Variants in EIF4E3 observed in about 807,000 individuals in gnomAD.
EIF4E3 encodes the protein eukaryotic translation initiation factor 4E family member 3.
Under a neutral mutation model 31.7 loss-of-function variants are expected in EIF4E3, and 26 were observed. The observed-to-expected ratio is 0.82, with a 90% CI of 0.60 to 1.14. The LOEUF is 1.14. Among genes scored for constraint, EIF4E3 ranks in the 50% most tolerant of loss-of-function variants. The probability of loss-of-function intolerance (pLI) is 0.00; values close to 1 mark genes in which losing one functional copy is unlikely to be tolerated. For synonymous variants in EIF4E3, 128 were observed against 107.7 expected, an observed-to-expected ratio of 1.19 and a Z score of -1.17; for missense variants, 304 against 270.9, an observed-to-expected ratio of 1.12 and a Z score of -0.86.
At chr3:71,666,598 G>A in the EIF4E3 span, among the ~76,000 whole-genome samples, 1 of 152,112 alleles carries the variant, frequency 6.6e-6, no homozygotes, top group Non-Finnish European at 1.5e-5. Flanking sequence ...ATTTTATGAG[G>A]CCAGCATCAT....
intron 1 of EIF4E3, among the ~76,000 whole-genome samples, chr3:71,718,258 T>C (rs962685118): frequency 5.3e-5 from 8 of 152,242 alleles, no homozygotes; most frequent in African/African-American, 1.9e-4. Flanking sequence ...CACTGTTAGA[T>C]AGACCTGTGG....
At chr3:71,754,168 C>G (rs760739874), upstream of EIF4E3, 1 of 1,453,056 alleles carries the variant, frequency 6.9e-7, no homozygotes, top group South Asian at 1.2e-5. The surrounding 1 kb of genome is among the most constrained non-coding windows in gnomAD (Gnocchi z 5.8). Flanking sequence ...GTGCTGTTCG[C>G]GCTGCTGATC....
intron 1 of EIF4E3, among the ~76,000 whole-genome samples, chr3:71,731,842 C>G (rs1010252212): frequency 6.6e-6 from 1 of 152,156 alleles, no homozygotes; most frequent in African/African-American, 2.4e-5. Context: ...TTGAAATTGT[C>G]CACACCTTGA....
In EIF4E3 at chr3:71,684,748, C is replaced by A. The variant is rs1202114713; in HGVS notation, c.629-20G>T. On this transcript the variant is annotated intron_variant, in intron 6 of 6. Coordinates refer to ENST00000425534, the MANE Select transcript of EIF4E3 (RefSeq NM_001134651.2). ...CATGGGCTAAAGGACAGAAAAAAAACAAAAAAGAAAAAAAGGAAAGAAAAC... is the reference window on the plus strand; with the variant it reads ...CATGGGCTAAAGGACAGAAAAAAAAAAAAAAAGAAAAAAAGGAAAGAAAAC... 3.1e-6 allele frequency: 5 copies of A among 1,608,564 alleles called. No individual in the cohort carries two copies. The highest frequency in any genetic ancestry group is 1.7e-5 in the Admixed American group (1 of 58,864).
intron 1 of EIF4E3, among the ~76,000 whole-genome samples, chr3:71,751,287 G>A (rs1399249007): frequency 6.6e-6 from 1 of 152,166 alleles, no homozygotes; most frequent in East Asian, 1.9e-4. Context: ...TAAGTGTAAA[G>A]TAAGTGTAAG....
intron 2 of EIF4E3, among the ~76,000 whole-genome samples, chr3:71,708,225 C>G (rs912875959): frequency 6.6e-6 from 1 of 152,068 alleles, no homozygotes; most frequent in Non-Finnish European, 1.5e-5. Flanking sequence ...GGACCAGACA[C>G]AATAATATAG....
At chr3:71,711,958 G>T (rs1012474928) in intron 1 of EIF4E3, among the ~76,000 whole-genome samples, 1 of 152,106 alleles carries the variant, frequency 6.6e-6, no homozygotes, top group Non-Finnish European at 1.5e-5. Flanking sequence ...ACTCCAGCCC[G>T]GGTGACAGAG....
At position 71,679,822 on chromosome 3, in the gene EIF4E3, G is replaced by A. The variant is rs969652265; in HGVS notation, c.*4860C>T. On this transcript the variant is annotated 3_prime_UTR_variant, in exon 7 of 7. Coordinates refer to ENST00000425534, the MANE Select transcript of EIF4E3 (RefSeq NM_001134651.2). Reference sequence around the variant, plus strand: ...CTTTGATAGTCATTTGAACAGTTTTGTGTTATTTTACATGCAATTTTATAG... The same window carrying A: ...CTTTGATAGTCATTTGAACAGTTTTATGTTATTTTACATGCAATTTTATAG... The A allele has an allele frequency of 2.6e-5, 4 of 152,044 alleles. No homozygotes were observed. Among genetic ancestry groups the A allele is most frequent in the Non-Finnish European group, 4.4e-5 (3 of 67,990 alleles). The allele number at this position is 152,044 out of a possible 1,614,324, so 9.4% of individuals were successfully genotyped here. A position where few individuals can be genotyped will look rare whatever the true frequency, so the allele number is the denominator to read the frequency against.
chr3:71,716,170 A>G (rs894996333), intron 1 of EIF4E3, among the ~76,000 whole-genome samples: 1 of 152,228 alleles, frequency 6.6e-6, no homozygotes, highest in Non-Finnish European at 1.5e-5. Context: ...CTGGCAAAAA[A>G]AATACCCCCA....
the EIF4E3 span, among the ~76,000 whole-genome samples, chr3:71,661,433 T>G: frequency 6.6e-6 from 1 of 152,200 alleles, no homozygotes; most frequent in African/African-American, 2.4e-5. Flanking sequence ...AAAGCACTAG[T>G]ATTCAGATCT....
At position 71,712,347 on chromosome 3, in the gene EIF4E3, A is replaced by G. The variant is rs74592119; in HGVS notation, c.177-1863T>C. ...GTGGATTGACTGGGCTATAGTTACT[A>G]AAGTATCAACTTGGATAGATACTAA... On this transcript the variant is annotated intron_variant, in intron 1 of 6. Coordinates refer to ENST00000425534, the MANE Select transcript of EIF4E3 (RefSeq NM_001134651.2). 6.0e-3 allele frequency among the ~76,000 whole-genome samples: 908 copies of G among 152,302 alleles called. 6 individuals carry two copies. The highest frequency in any genetic ancestry group is 0.021 in the African/African-American group (860 of 41,568).
Position 71,675,860 on chromosome 3 carries a change from C to A in EIF4E3, c.*8822G>T, listed in dbSNP as rs1054927004. The A allele has an allele frequency of 2.0e-5, 3 of 152,240 alleles. No individual in the cohort carries two copies. Among genetic ancestry groups the A allele is most frequent in the African/African-American group, 4.8e-5 (2 of 41,466 alleles). The allele number at this position is 152,240 out of a possible 1,614,324, so 9.4% of individuals were successfully genotyped here. A position where few individuals can be genotyped will look rare whatever the true frequency, so the allele number is the denominator to read the frequency against. ...CTCACTGAAGAACAGGCTGGAGCCA[C>A]AGTACCTTAGATGTATCTTGGTTCT... On this transcript the variant is annotated 3_prime_UTR_variant, in exon 7 of 7. Transcript: ENST00000425534.
chr3:71,670,491 A>G (rs2048842440), downstream of EIF4E3, among the ~76,000 whole-genome samples: 1 of 152,134 alleles, frequency 6.6e-6, no homozygotes, highest in African/African-American at 2.4e-5. Context: ...GTCTTTAGAT[A>G]TCTATAAGCA....
At chr3:71,722,460 T>C (rs915224180) in intron 1 of EIF4E3, among the ~76,000 whole-genome samples, 6 of 151,886 alleles carry the variant, frequency 4.0e-5, no homozygotes, top group African/African-American at 1.2e-4. Context: ...CACCATAAGA[T>C]CAAAAGGAAG....
intron 2 of EIF4E3, among the ~76,000 whole-genome samples, chr3:71,703,567 C>G (rs1189297704): frequency 6.6e-6 from 1 of 152,116 alleles, no homozygotes; most frequent in Non-Finnish European, 1.5e-5. Flanking sequence ...TGATAAATCC[C>G]CAATCTGATA....
intron 1 of EIF4E3, 36 bp from the exon 2 acceptor site, chr3:71,710,520 A>C: frequency 6.5e-7 from 1 of 1,549,240 alleles, no homozygotes; most frequent in Non-Finnish European, 8.7e-7. Context: ...ACACAAACAA[A>C]ACAAGCAGTC....
intron 6 of EIF4E3, among the ~76,000 whole-genome samples, chr3:71,685,493 G>A (rs1433931103): frequency 1.3e-5 from 2 of 152,116 alleles, no homozygotes; most frequent in Non-Finnish European, 2.9e-5. Context: ...CTCTGGAGTA[G>A]CTGGGATACA....
chr3:71,718,628 G>T (rs1274324843), intron 1 of EIF4E3, among the ~76,000 whole-genome samples: 1 of 152,190 alleles, frequency 6.6e-6, no homozygotes, highest in Non-Finnish European at 1.5e-5. Flanking sequence ...ATGTGCCCCG[G>T]GTTTGGAAGT....
chr3:71,696,575 C>A, intron 3 of EIF4E3, 55 bp from the exon 4 acceptor site: 1 of 1,589,504 alleles, frequency 6.3e-7, no homozygotes, highest in Non-Finnish European at 8.6e-7. Flanking sequence ...ATTCTACATA[C>A]AGTTAGATTA....
Sources: allele counts gnomAD v4.1 joint callset (sites outside exome capture counted in the v4.1 genomes callset), GRCh38; gene constraint gnomAD v4.1.1; non-coding constraint Gnocchi (gnomAD v3.1); transcripts MANE v1.5; gene names NCBI Gene and HGNC (gene_info 2026-07-23, HGNC 2026-07-21).